The following ANKS1B variants were observed in gnomAD, a reference collection of about 807,000 sequenced individuals.
ANKS1B encodes the protein ankyrin repeat and sterile alpha motif domain-containing protein 1B.
Under a neutral mutation model 148.3 loss-of-function variants are expected in ANKS1B, and 36 were observed. That is an observed-to-expected ratio of 0.24 (90% confidence interval 0.19 to 0.32). ANKS1B has a LOEUF of 0.32. Among genes scored for constraint, ANKS1B ranks in the 10% least tolerant of loss-of-function variants. The pLI, the probability that ANKS1B is intolerant of heterozygous loss-of-function variation, is 1.00. For missense variants in ANKS1B, 1,157 were observed against 1,542.6 expected, an observed-to-expected ratio of 0.75 and a Z score of 4.19; for synonymous variants, 542 against 560.8, an observed-to-expected ratio of 0.97 and a Z score of 0.47.
chr12:99,434,666 T>A (rs952230492), intron 11 of ANKS1B, among the ~76,000 whole-genome samples: 4 of 152,272 alleles, frequency 2.6e-5, no homozygotes, highest in Admixed American at 2.6e-4. Flanking sequence ...CTCATCTTTA[T>A]AATGATTCAT....
In ANKS1B at chr12:99,424,705, ATCTG is replaced by A. The variant is rs532574681; in HGVS notation, c.1575+18964_1575+18967del. Among the ~76,000 whole-genome samples the A allele has an allele frequency of 2.1e-3, 306 of 148,342 alleles. 6 individuals carry two copies. Among genetic ancestry groups the A allele is most frequent in the Admixed American group, 2.5e-3 (38 of 14,958 alleles). On this transcript the variant is annotated intron_variant, in intron 11 of 26. Transcript: ENST00000683438. The stretch of plus-strand genomic sequence containing the variant: ...TTGTCTATCTATCTATCTGTCATCT[ATCTG>A]TCTGTCTGTCTGTCTGTCTAGTTAA...
intron 17 of ANKS1B, among the ~76,000 whole-genome samples, chr12:98,981,181 C>A (rs2099909754): frequency 6.6e-6 from 1 of 152,012 alleles, no homozygotes; most frequent in Non-Finnish European, 1.5e-5. Flanking sequence ...GTGGCACATG[C>A]CTGTGGTCCC....
intron 10 of ANKS1B, among the ~76,000 whole-genome samples, chr12:99,487,042 T>C (rs1030394159): frequency 2.6e-5 from 4 of 152,164 alleles, no homozygotes; most frequent in Non-Finnish European, 4.4e-5. Context: ...CCAGGGCTGA[T>C]TGTTGGGTTA....
In ANKS1B at chr12:99,522,958, C is replaced by T. The variant is rs762804521; in HGVS notation, c.1273-18317G>A. 2.6e-5 allele frequency among the ~76,000 whole-genome samples: 4 copies of T among 152,222 alleles called. No individual in the cohort carries two copies. In the South Asian group the frequency reaches 8.3e-4, roughly 32 times the overall value. The stretch of plus-strand genomic sequence containing the variant: ...GGGGGAGACTTGGCCTTCTGACTTA[C>T]GAAAGATCTTAGCAACAATCAGGAA... On this transcript the variant is annotated intron_variant, in intron 9 of 26. Coordinates refer to ENST00000683438, the MANE Select transcript of ANKS1B (RefSeq NM_001352186.2).
chr12:99,170,233 T>C (rs1202866669), intron 14 of ANKS1B, among the ~76,000 whole-genome samples: 4 of 152,184 alleles, frequency 2.6e-5, no homozygotes, highest in Non-Finnish European at 4.4e-5. Flanking sequence ...CTGCAATGCA[T>C]GGATGCCTGT....
rs367847332 is a variant in ANKS1B, at chr12:99,962,277, A to C, written c.134+21827T>G. On this transcript the variant is annotated intron_variant, in intron 1 of 26. Coordinates refer to ENST00000683438, the MANE Select transcript of ANKS1B (RefSeq NM_001352186.2). ...CATGTGTTCTCATTGCTCAACTCCCACTTATAAATGAGAACATGCAGTTTG... is the reference window on the plus strand; with the variant it reads ...CATGTGTTCTCATTGCTCAACTCCCCCTTATAAATGAGAACATGCAGTTTG... 1.2e-3 allele frequency among the ~76,000 whole-genome samples: 189 copies of C among 151,660 alleles called. 1 individual carries two copies. The highest frequency in any genetic ancestry group is 4.3e-3 in the African/African-American group (178 of 41,332).
chr12:98,845,449 CAG>C (rs2099450068), intron 17 of ANKS1B, among the ~76,000 whole-genome samples: 1 of 152,144 alleles, frequency 6.6e-6, no homozygotes, highest in Admixed American at 6.5e-5. Flanking sequence ...ATTTTTCTCC[CAG>C]AGACTCATTA....
At chr12:98,819,372 A>C (rs998252896) in intron 19 of ANKS1B, among the ~76,000 whole-genome samples, 1 of 152,300 alleles carries the variant, frequency 6.6e-6, no homozygotes, top group East Asian at 1.9e-4. Context: ...CCCTTATCAC[A>C]TGGGATTGGC....
chr12:99,737,700 C>G (rs1323187486), intron 8 of ANKS1B, among the ~76,000 whole-genome samples: 1 of 152,048 alleles, frequency 6.6e-6, no homozygotes, highest in African/African-American at 2.4e-5. Context: ...AATTTTTCCA[C>G]CTTGTTCCCT....
intron 8 of ANKS1B, among the ~76,000 whole-genome samples, chr12:99,744,674 G>A (rs756773791): frequency 5.3e-5 from 8 of 152,222 alleles, no homozygotes; most frequent in Non-Finnish European, 7.4e-5. Context: ...TGGAAAAGGC[G>A]TTACAAACAA....
At chr12:99,802,851 C>T (rs571620931) in intron 4 of ANKS1B, among the ~76,000 whole-genome samples, 82 of 151,150 alleles carry the variant, frequency 5.4e-4, no homozygotes, top group African/African-American at 1.8e-3. Context: ...AGTTCTAGGC[C>T]GAAGTGAGCA....
intron 8 of ANKS1B, among the ~76,000 whole-genome samples, chr12:99,707,233 T>C (rs115874882): frequency 0.016 from 2,467 of 152,096 alleles, 71 homozygotes; most frequent in African/African-American, 0.057. Flanking sequence ...TCCAGTTTGT[T>C]TGCATCATCC....
At chr12:99,660,517 T>C (rs998701751) in intron 8 of ANKS1B, among the ~76,000 whole-genome samples, 3 of 151,690 alleles carry the variant, frequency 2.0e-5, no homozygotes, top group Admixed American at 6.6e-5. Flanking sequence ...GTGCCCACCA[T>C]CACACCTAAT....
At chr12:98,986,273 T>A (rs2099923332) in intron 17 of ANKS1B, among the ~76,000 whole-genome samples, 1 of 152,106 alleles carries the variant, frequency 6.6e-6, no homozygotes, top group Admixed American at 6.6e-5. Flanking sequence ...AAATTCTCAG[T>A]CATTACCTGT....
At chr12:99,852,599 T>C (rs1257123371) in intron 1 of ANKS1B, among the ~76,000 whole-genome samples, 1 of 151,612 alleles carries the variant, frequency 6.6e-6, no homozygotes, top group Non-Finnish European at 1.5e-5. Flanking sequence ...GGATAGGAGG[T>C]AGGACTAACT....
chr12:98,953,187 A>G lies in ANKS1B; in HGVS notation c.2778+99970T>C, dbSNP rs138701547. Among the ~76,000 whole-genome samples the G allele has an allele frequency of 2.4e-3, 359 of 152,022 alleles. 5 individuals are homozygous for G. The East Asian group carries it at 0.048, about 20-fold the overall frequency. ...AGGTACCTGCTACCACACACAACTA[A>G]TTTTTGTATTTGTAGTAGAGATGGG... On this transcript the variant is annotated intron_variant, in intron 17 of 26. Transcript: ENST00000683438.
chr12:99,883,574 G>C (rs574425045), intron 1 of ANKS1B, among the ~76,000 whole-genome samples: 2 of 150,882 alleles, frequency 1.3e-5, no homozygotes, highest in Admixed American at 1.3e-4. Context: ...CTCTGCCAAA[G>C]ACCCTGTAAA....
intron 17 of ANKS1B, among the ~76,000 whole-genome samples, chr12:98,918,353 G>A (rs1032163896): frequency 2.0e-5 from 3 of 152,358 alleles, no homozygotes; most frequent in Non-Finnish European, 2.9e-5. Flanking sequence ...GGGACCATGT[G>A]TAAGCGGAAG....
chr12:99,492,741 C>G (rs182545992), intron 10 of ANKS1B, among the ~76,000 whole-genome samples: 52 of 152,268 alleles, frequency 3.4e-4, no homozygotes, highest in Middle Eastern at 3.4e-3. Context: ...AAGGTAGGTT[C>G]AACATACACA....
Sources: allele counts gnomAD v4.1 joint callset (sites outside exome capture counted in the v4.1 genomes callset), GRCh38; gene constraint gnomAD v4.1.1; transcripts MANE v1.5; gene names NCBI Gene and HGNC (gene_info 2026-07-23, HGNC 2026-07-21).